Variants in NELL2 observed in about 807,000 individuals in gnomAD.
NELL2 encodes protein kinase C-binding protein NELL2.
NELL2 carries 41 observed loss-of-function variants against 109.6 expected under a neutral mutation model. That is an observed-to-expected ratio of 0.37 (90% CI 0.29 to 0.49). The LOEUF (loss-of-function observed/expected upper bound fraction) is 0.49. NELL2 is among the 20% of genes least tolerant of loss of function. NELL2 has a pLI of 0.98. For missense variants in NELL2, 900 were observed against 1,008.3 expected, an observed-to-expected ratio of 0.89 and a Z score of 1.45; for synonymous variants, 355 against 344.7, an observed-to-expected ratio of 1.03 and a Z score of -0.33.
chr12:44,694,695 G>A (rs1949005570), intron 12 of NELL2, among the ~76,000 whole-genome samples: 1 of 151,594 alleles, frequency 6.6e-6, no homozygotes, highest in East Asian at 1.9e-4. Flanking sequence ...GTGTCTGCTC[G>A]AGTTCCCTAA....
At chr12:44,865,439 T>C (rs1592677191) in intron 2 of NELL2, among the ~76,000 whole-genome samples, 1 of 106,084 alleles carries the variant, frequency 9.4e-6, no homozygotes, top group Non-Finnish European at 2.0e-5. Flanking sequence ...ATAGACTGGA[T>C]TAAGAAAATG....
chr12:44,583,516 C>T (rs1781656320), intron 15 of NELL2, among the ~76,000 whole-genome samples: 1 of 151,880 alleles, frequency 6.6e-6, no homozygotes, highest in Non-Finnish European at 1.5e-5. Context: ...ATGAATAAAC[C>T]AATGAATAAA....
intron 2 of NELL2, among the ~76,000 whole-genome samples, chr12:44,817,418 A>G (rs932926730): frequency 6.6e-6 from 1 of 152,246 alleles, no homozygotes; most frequent in East Asian, 1.9e-4. Context: ...AGACACTCGT[A>G]TAATAGAAGA....
At chr12:44,740,579 A>G (rs79531587) in intron 9 of NELL2, among the ~76,000 whole-genome samples, 2 of 152,336 alleles carry the variant, frequency 1.3e-5, no homozygotes, top group South Asian at 4.1e-4. Context: ...GAGCTTGTGA[A>G]AAAAGAAAAC....
intron 12 of NELL2, among the ~76,000 whole-genome samples, chr12:44,669,082 C>G (rs1948049665): frequency 6.6e-6 from 1 of 152,206 alleles, no homozygotes; most frequent in South Asian, 2.1e-4. Context: ...ATCACCAAAG[C>G]CTCCACTAAC....
chr12:44,718,161 C>G (rs1177107475), intron 9 of NELL2, among the ~76,000 whole-genome samples: 2 of 152,124 alleles, frequency 1.3e-5, no homozygotes, highest in Non-Finnish European at 2.9e-5. Context: ...AATGAGGGAA[C>G]TGAGCTCTGG....
At chr12:44,732,777 C>T (rs191139453) in intron 9 of NELL2, among the ~76,000 whole-genome samples, 84 of 151,856 alleles carry the variant, frequency 5.5e-4, no homozygotes, top group African/African-American at 1.5e-3. Context: ...CTATGGAATG[C>T]GAGAAAATAT....
chr12:44,872,034 G>A (rs1314227513), intron 2 of NELL2, among the ~76,000 whole-genome samples: 2 of 152,116 alleles, frequency 1.3e-5, no homozygotes, highest in South Asian at 2.1e-4. Context: ...GAAAGTCCTA[G>A]AATGGTGCTT....
chr12:44,875,041 G>C (rs920372515), intron 2 of NELL2, 184 bp downstream of exon 2: 1 of 698,902 alleles, frequency 1.4e-6, no homozygotes, highest in Non-Finnish European at 2.3e-6. Flanking sequence ...GGAGAAGGGT[G>C]AGGCAGGGGA....
chr12:44,902,515 C>T (rs1313418899), intron 1 of NELL2, among the ~76,000 whole-genome samples: 1 of 152,164 alleles, frequency 6.6e-6, no homozygotes, highest in Non-Finnish European at 1.5e-5. Context: ...TCCCATCAAG[C>T]TACCATTGAC....
At chr12:44,873,372 T>G (rs1945220148) in intron 2 of NELL2, among the ~76,000 whole-genome samples, 1 of 152,124 alleles carries the variant, frequency 6.6e-6, no homozygotes, top group Non-Finnish European at 1.5e-5. Context: ...ACACCTACCT[T>G]GAAGAATTTG....
At chr12:44,755,168 C>T (rs1271531399) in intron 9 of NELL2, among the ~76,000 whole-genome samples, 1 of 152,056 alleles carries the variant, frequency 6.6e-6, no homozygotes, top group African/African-American at 2.4e-5. Flanking sequence ...TCCTGTTATT[C>T]CAGCAAGAAC....
intron 9 of NELL2, among the ~76,000 whole-genome samples, chr12:44,752,851 G>A (rs760709255): frequency 7.2e-5 from 11 of 152,082 alleles, no homozygotes; most frequent in Non-Finnish European, 1.3e-4. Context: ...CTGCCACGGT[G>A]ATGCCCCGCT....
rs1479350621 is a variant in NELL2, at chr12:44,657,585, C to T, written c.1444+7899G>A. On this transcript the variant is annotated intron_variant, in intron 13 of 19. Coordinates refer to ENST00000429094, the MANE Select transcript of NELL2 (RefSeq NM_001145108.2). ...ATGGTGGTTTGCTGCACCCATCAAC[C>T]CGTCATCTACATTAGGTATTTCTCC... Among the ~76,000 whole-genome samples the T allele has an allele frequency of 4.6e-5, 7 of 152,108 alleles. No individual in the cohort carries two copies. In the South Asian group the frequency reaches 1.0e-3, roughly 23 times the overall value.
intron 3 of NELL2, among the ~76,000 whole-genome samples, chr12:44,797,079 G>C (rs1942650263): frequency 6.6e-6 from 1 of 152,062 alleles, no homozygotes; most frequent in African/African-American, 2.4e-5. Flanking sequence ...AAAAAAGAAG[G>C]AAAGGGTATA....
chr12:44,851,953 T>A (rs190964262), intron 2 of NELL2: 14 of 152,300 alleles, frequency 9.2e-5, no homozygotes, highest in Admixed American at 9.2e-4. Context: ...GCATTTGATC[T>A]TTTATTTTTA....
intron 15 of NELL2, among the ~76,000 whole-genome samples, chr12:44,534,984 C>T (rs1470884376): frequency 2.6e-5 from 4 of 151,950 alleles, no homozygotes; most frequent in African/African-American, 9.7e-5. Context: ...CACTCCTTTA[C>T]CGGGCCCACT....
intron 17 of NELL2, among the ~76,000 whole-genome samples, chr12:44,522,577 T>C (rs1941587328): frequency 6.6e-6 from 1 of 152,210 alleles, no homozygotes; most frequent in Non-Finnish European, 1.5e-5. Context: ...ATAACATATA[T>C]ATATTACTAA....
chr12:44,520,264 G>A, intron 18 of NELL2, 35 bp from the exon 19 acceptor site: 1 of 1,547,366 alleles, frequency 6.5e-7, no homozygotes, highest in South Asian at 1.2e-5. Flanking sequence ...GGCAGAGGGA[G>A]AGGGAGGAGG....
Sources: allele counts gnomAD v4.1 joint callset (sites outside exome capture counted in the v4.1 genomes callset), GRCh38; gene constraint gnomAD v4.1.1; transcripts MANE v1.5; gene names NCBI Gene and HGNC (gene_info 2026-07-23, HGNC 2026-07-21).